Variants in SYNE2 observed in about 807,000 individuals in gnomAD.
SYNE2 encodes spectrin repeat containing nuclear envelope protein 2, also known as nesprin-2.
In SYNE2, 431 loss-of-function variants were observed where a neutral mutation model predicts 856.3. The observed-to-expected ratio is 0.50, with a 90% confidence interval of 0.47 to 0.55. The LOEUF is 0.55. Among genes scored for constraint, SYNE2 ranks in the 20% least tolerant of loss-of-function variants. The pLI is 0.00. For synonymous variants in SYNE2, 2,923 were observed against 2,872.3 expected, an observed-to-expected ratio of 1.02 and a Z score of -0.56; for missense variants, 8,129 against 8,023.2, an observed-to-expected ratio of 1.01 and a Z score of -0.50.
chr14:64,187,713 A>C (rs1255984), intron 97 of SYNE2, among the ~76,000 whole-genome samples: 1 of 152,012 alleles, frequency 6.6e-6, no homozygotes, highest in South Asian at 2.1e-4. Flanking sequence ...TTCCTGGTCC[A>C]TATAGTGGGG....
At chr14:63,850,332 C>T (rs927990901), upstream of SYNE2, among the ~76,000 whole-genome samples, 1 of 151,058 alleles carries the variant, frequency 6.6e-6, no homozygotes, top group Non-Finnish European at 1.5e-5. Context: ...AGGTGATCCA[C>T]CTGCCTCAGC....
intron 1 of SYNE2, among the ~76,000 whole-genome samples, chr14:63,811,513 T>G (rs544352595): frequency 6.6e-6 from 1 of 152,302 alleles, no homozygotes; most frequent in Non-Finnish European, 1.5e-5. Context: ...TCCTCCAGCC[T>G]TGGCCTCCCA....
intron 1 of SYNE2, among the ~76,000 whole-genome samples, chr14:63,796,504 G>T (rs1887919991): frequency 6.6e-6 from 1 of 151,792 alleles, no homozygotes; most frequent in Non-Finnish European, 1.5e-5. Context: ...TGATAAAGAA[G>T]AATCATTCAG....
At chr14:63,931,970 A>G (rs1257641378) in intron 2 of SYNE2, among the ~76,000 whole-genome samples, 1 of 152,222 alleles carries the variant, frequency 6.6e-6, no homozygotes, top group Admixed American at 6.5e-5. Context: ...TACTGTTTGA[A>G]AAATTTTTGT....
At chr14:64,182,860 C>T (rs886162391) in intron 96 of SYNE2, among the ~76,000 whole-genome samples, 13 of 152,258 alleles carry the variant, frequency 8.5e-5, no homozygotes, top group Admixed American at 2.6e-4. Context: ...TTGACAAAAC[C>T]GCCATAGTCA....
chr14:63,904,974 A>AT (rs1289855964), intron 1 of SYNE2, among the ~76,000 whole-genome samples: 1 of 152,076 alleles, frequency 6.6e-6, no homozygotes, highest in Non-Finnish European at 1.5e-5. Flanking sequence ...TGTTGAGTTA[A>AT]TTTTTGTTTA....
At position 64,080,605 on chromosome 14, in the gene SYNE2, G is replaced by C. The variant is rs144596211; in HGVS notation, c.11313G>C (p.Gln3771His). Residue 3771 changes from glutamine to histidine, a missense_variant, in exon 56 of 116, where the codon CAG (glutamine) becomes CAC (histidine). By Grantham distance (24) the Gln-to-His change is conservative (BLOSUM62 0). Around this residue, in one of 3 missense-constraint regions of SYNE2, gnomAD observed 5,410 missense variants for 5,284.8 expected, o/e 1.02. Transcript: ENST00000555002. ...IPFQQYQQVSQRAECRTSQLN... is the reference protein window; with the variant it reads ...IPFQQYQQVSHRAECRTSQLN... ...TCCAGCAGTATCAGCAAGTATCACA[G>C]AGAGCAGAGTGTAGAACCTCACAGT... The C allele has an allele frequency of 1.8e-3, 2,985 of 1,614,210 alleles. 10 individuals are homozygous for C. The highest frequency in any genetic ancestry group is 2.4e-3 in the Non-Finnish European group (2,830 of 1,180,036).
chr14:64,215,200 G>A, intron 106 of SYNE2, 86 bp from the exon 107 acceptor site: 2 of 1,229,362 alleles, frequency 1.6e-6, no homozygotes, highest in Non-Finnish European at 2.4e-6. Flanking sequence ...TCTCCTTCCA[G>A]CTGACAATGT....
At chr14:63,983,960 T>C in intron 18 of SYNE2, 74 bp downstream of exon 18, 1 of 1,171,964 alleles carries the variant, frequency 8.5e-7, no homozygotes, top group Non-Finnish European at 1.2e-6. Context: ...AAAAAGATAT[T>C]GCCGGGCACG....
intron 49 of SYNE2, among the ~76,000 whole-genome samples, chr14:64,060,528 T>C (rs1235303587): frequency 2.0e-5 from 3 of 152,100 alleles, no homozygotes; most frequent in Non-Finnish European, 4.4e-5. Flanking sequence ...CAAGGCAAAG[T>C]CCTCTTTACT....
At chr14:63,953,543 G>T (rs2775003) in intron 7 of SYNE2, among the ~76,000 whole-genome samples, 21,761 of 90,510 alleles carry the variant, frequency 0.24, 2,386 homozygotes, top group African/African-American at 0.37. Context: ...GAGAGAGAGA[G>T]AGATAGATAG....
In SYNE2 at chr14:64,021,323, G is replaced by C; in HGVS notation, c.5160G>C (p.Glu1720Asp). ...SEIPLELQVMESSILNKMEHV... is the reference protein window; with the variant it reads ...SEIPLELQVMDSSILNKMEHV... ...ATATTTCATGATTTCAGGTCATGGA[G>C]TCCTCTATTTTGAACAAGATGGAAC... is the stretch of plus-strand genomic sequence containing the variant. Residue 1720 changes from glutamate to aspartate, a missense_variant, in exon 36 of 116, where the codon GAG becomes GAC. Glu to Asp is a conservative substitution (Grantham distance 45, BLOSUM62 2). Around this residue, in one of 3 missense-constraint regions of SYNE2, gnomAD observed 2,422 missense variants for 2,357.4 expected, o/e 1.03. Transcript: ENST00000555002. 1 of 1,613,520 alleles carries C rather than the reference G, an allele frequency of 6.2e-7. No individual in the cohort carries two copies. Among genetic ancestry groups the C allele is most frequent in the Non-Finnish European group, 8.5e-7 (1 of 1,179,456 alleles).
chr14:63,930,654 C>CTGGG (rs1439629165), intron 2 of SYNE2, among the ~76,000 whole-genome samples: 14 of 151,996 alleles, frequency 9.2e-5, no homozygotes, highest in Non-Finnish European at 1.8e-4. Context: ...CCTTCTTCAG[C>CTGGG]CTCCCAAGTA....
intron 54 of SYNE2, 97 bp from the exon 55 acceptor site, chr14:64,078,369 A>G: frequency 6.5e-7 from 1 of 1,541,984 alleles, no homozygotes; most frequent in Non-Finnish European, 8.9e-7. Context: ...AAATTTTTAC[A>G]AGTTAAAACA....
chr14:64,083,102 A>T (rs1017785742), intron 57 of SYNE2, among the ~76,000 whole-genome samples: 1 of 152,168 alleles, frequency 6.6e-6, no homozygotes, highest in African/African-American at 2.4e-5. Context: ...TTGGAATGGC[A>T]CAGTGTGTTC....
chr14:64,023,602 C>G (rs1006266582), intron 38 of SYNE2: 2 of 153,270 alleles, frequency 1.3e-5, no homozygotes, highest in African/African-American at 4.8e-5. Flanking sequence ...CTGGTTGGAA[C>G]GTAGTGGAGG....
chr14:64,090,766 A>G, intron 59 of SYNE2, 100 bp from the exon 60 acceptor site: 2 of 1,084,872 alleles, frequency 1.8e-6, no homozygotes, highest in Non-Finnish European at 2.7e-6. Flanking sequence ...TTAAAAATGC[A>G]AACTATAAAA....
chr14:63,980,553 G>C, intron 14 of SYNE2, 101 bp from the exon 15 acceptor site: 2 of 766,348 alleles, frequency 2.6e-6, no homozygotes, highest in Non-Finnish European at 4.5e-6. Flanking sequence ...AAGAAATTTG[G>C]TAACTCTGTC....
chr14:64,073,939 AAC>A (rs1460897766), intron 52 of SYNE2, 27 bp from the exon 53 acceptor site: 1 of 1,609,484 alleles, frequency 6.2e-7, no homozygotes, highest in African/African-American at 1.3e-5. Context: ...AGGATAAAGA[AAC>A]AATTATATTT....
Sources: gnomAD v4.1 joint callset for allele counts (sites outside exome capture counted in the v4.1 genomes callset) on GRCh38, gnomAD v4.1.1 for gene constraint, gnomAD v4.1.1 regional missense constraint, MANE v1.5 for transcripts, NCBI Gene and HGNC (gene_info 2026-07-23, HGNC 2026-07-21) for gene names.